PRRG1: variants seen among roughly 807,000 people sequenced by gnomAD.
The protein encoded by PRRG1 is transmembrane gamma-carboxyglutamic acid protein 1.
A neutral mutation model predicts 11.8 loss-of-function variants in PRRG1; 5 were observed. That is an observed-to-expected ratio of 0.42 (90% CI 0.22 to 0.89). The LOEUF (loss-of-function observed/expected upper bound fraction) is 0.89, where lower values mean the gene tolerates loss of function less well. Ranked by LOEUF, PRRG1 falls within the 40% of genes least tolerant of loss-of-function variation. The probability of loss-of-function intolerance (pLI) is 0.28; values close to 1 mark genes in which losing one functional copy is unlikely to be tolerated. For missense variants in PRRG1, 155 were observed against 166.1 expected (o/e 0.93, Z 0.37); for synonymous variants, 66 against 60.4 (o/e 1.09, Z -0.43).
chrX:37,423,232 CTT>C lies in PRRG1; in HGVS notation c.11-2602_11-2601del, dbSNP rs782314748. Among the ~76,000 whole-genome samples the C allele has an allele frequency of 9.1e-5, 10 of 109,298 alleles. No homozygotes were observed. In the South Asian group the frequency reaches 3.4e-3, roughly 37 times the overall value. 94.9% of individuals were successfully genotyped at this position (109,298 alleles called of 115,157 possible). Reference sequence around the variant, plus strand: ...AATTTTAATTTTTAACAAAAATTAACTTTTTTTAACAAAAAAGTTAAATTTTA... The same window carrying C: ...AATTTTAATTTTTAACAAAAATTAACTTTTTAACAAAAAAGTTAAATTTTA... On this transcript the variant is annotated intron_variant, in intron 2 of 3. Transcript: ENST00000378628.
rs1556397551 is a variant in PRRG1 at position 37,453,849 on chromosome X, T to A, written c.*228T>A. ...AAGAGGGAAAACATACTAATGGGGG[T>A]CTTTCTGTGATGTGATGAGACATAC... On this transcript the variant is annotated 3_prime_UTR_variant, in exon 4 of 4. Transcript: ENST00000378628. 2.8e-6 allele frequency: 1 copy of A among 362,373 alleles called. No homozygotes were observed. The highest frequency in any genetic ancestry group is 2.6e-5 in the African/African-American group (1 of 38,506). 29.9% of individuals were successfully genotyped at this position (362,373 alleles called of 1,213,427 possible). A position where few individuals can be genotyped will look rare whatever the true frequency, so the allele number is the denominator to read the frequency against.
At chrX:37,411,400 C>G (rs1932347819) in intron 2 of PRRG1, among the ~76,000 whole-genome samples, 1 of 111,677 alleles carries the variant, frequency 9.0e-6, no homozygotes, top group Admixed American at 9.5e-5. Context: ...CTATATTTTA[C>G]CTTTTCATTT....
intron 3 of PRRG1, among the ~76,000 whole-genome samples, chrX:37,442,496 G>A (rs370139659): frequency 6.4e-5 from 7 of 110,014 alleles, no homozygotes; most frequent in South Asian, 4.0e-4. Flanking sequence ...GGTGGATGGC[G>A]TCAGGTGGGG....
In PRRG1 at chrX:37,399,969, C is replaced by T. The variant is rs1413161255; in HGVS notation, c.-41-6240C>T. 1.1e-4 allele frequency among the ~76,000 whole-genome samples: 12 copies of T among 111,388 alleles called. No homozygotes were observed. In the Admixed American group the frequency reaches 1.1e-3, roughly 11 times the overall value. On this transcript the variant is annotated intron_variant, in intron 1 of 3. Transcript: ENST00000378628. ...TATATGCACCCAATACAGGAGCACC[C>T]AGATTCATAAAGCAAGTCCTGAGTG... is the stretch of plus-strand genomic sequence containing the variant.
rs144758974 is a variant in PRRG1, at chrX:37,395,729, A to G, written c.-41-10480A>G. Among the ~76,000 whole-genome samples the G allele has an allele frequency of 8.3e-3, 925 of 111,660 alleles. 5 individuals carry two copies. Among genetic ancestry groups the G allele is most frequent in the Middle Eastern group, 0.028 (6 of 217 alleles). On this transcript the variant is annotated intron_variant, in intron 1 of 3. Coordinates refer to ENST00000378628, the MANE Select transcript of PRRG1 (RefSeq NM_001142395.2). ...AAAATCAACAGGAAACAAACCTGAT[A>G]TGGTTCTCAGAAAAGATATACTTTC... is the stretch of plus-strand genomic sequence containing the variant.
chrX:37,357,044 A>G (rs781834422), intron 1 of PRRG1, among the ~76,000 whole-genome samples: 3 of 111,675 alleles, frequency 2.7e-5, no homozygotes, highest in Non-Finnish European at 5.7e-5. Flanking sequence ...CTACCCCAAA[A>G]ATTCTCTGTG....
rs551667337 is a variant in PRRG1 at position 37,419,729 on chromosome X, A to G, written c.11-6111A>G. 7.7e-4 allele frequency among the ~76,000 whole-genome samples: 86 copies of G among 111,592 alleles called. 1 individual carries two copies. In the South Asian group the frequency reaches 0.031, roughly 40 times the overall value. Reference sequence around the variant, plus strand: ...GGCTCATGTGTACAGAAGATCTTTGATATCCCACTGGTCATGTAGCTGAAA... The same window carrying G: ...GGCTCATGTGTACAGAAGATCTTTGGTATCCCACTGGTCATGTAGCTGAAA... On this transcript the variant is annotated intron_variant, in intron 2 of 3. Transcript: ENST00000378628.
In PRRG1 at chrX:37,406,228, G is replaced by A. The variant is rs1294326046; in HGVS notation, c.-22G>A. ...GTACAGGGAATCATCATCCAGGGAC[G>A]TGCCAGAAACCACAAGAAAACATGG... On this transcript the variant is annotated 5_prime_UTR_variant, in exon 2 of 4. The change creates a new upstream start codon in the 5' untranslated region. Coordinates refer to ENST00000378628, the MANE Select transcript of PRRG1 (RefSeq NM_001142395.2). 8.3e-7 allele frequency: 1 copy of A among 1,210,240 alleles called. No individual in the cohort carries two copies. The highest frequency in any genetic ancestry group is 3.0e-5 in the East Asian group (1 of 33,822).
chrX:37,387,833 TAACTC>T (rs1166361531), intron 1 of PRRG1, among the ~76,000 whole-genome samples: 16 of 111,540 alleles, frequency 1.4e-4, no homozygotes, highest in African/African-American at 4.6e-4. Context: ...ATTTCAGCAT[TAACTC>T]AAAAGTCCAA....
chrX:37,374,703 A>G (rs782813391), intron 1 of PRRG1, among the ~76,000 whole-genome samples: 24 of 111,121 alleles, frequency 2.2e-4, no homozygotes, highest in African/African-American at 7.8e-4. Flanking sequence ...GATTTTTTTC[A>G]TAAATTATAT....
chrX:37,442,071 C>T, intron 3 of PRRG1: 1 of 768,722 alleles, frequency 1.3e-6, no homozygotes, highest in Non-Finnish European at 1.6e-6. Flanking sequence ...AGGAAGACAC[C>T]TGAGCCAAGA....
intron 3 of PRRG1, among the ~76,000 whole-genome samples, chrX:37,435,793 G>A (rs782338297): frequency 3.6e-5 from 4 of 110,855 alleles, no homozygotes; most frequent in Non-Finnish European, 5.7e-5. Context: ...ATGATTAGAC[G>A]AAATGTCAAT....
intron 1 of PRRG1, among the ~76,000 whole-genome samples, chrX:37,377,337 C>T (rs1367236405): frequency 9.0e-6 from 1 of 111,422 alleles, no homozygotes; most frequent in East Asian, 2.8e-4. Context: ...TAGTTTCTGC[C>T]TCATATGATA....
chrX:37,397,881 A>C (rs1422476968), intron 1 of PRRG1, among the ~76,000 whole-genome samples: 1 of 109,174 alleles, frequency 9.2e-6, no homozygotes, highest in Non-Finnish European at 1.9e-5. Context: ...TTTTAAGTGT[A>C]TTGTCATTAT....
rs781953204 is a variant in PRRG1 at position 37,457,245 on chromosome X, T to C, written c.*3624T>C. The C allele has an allele frequency of 8.9e-6, 1 of 112,530 alleles. No homozygotes were observed. Among genetic ancestry groups the C allele is most frequent in the Admixed American group, 9.4e-5 (1 of 10,587 alleles). 9.3% of individuals were successfully genotyped at this position (112,530 alleles called of 1,213,427 possible). Reference sequence around the variant, plus strand: ...TTTATACTAGGTAGGGTCTTTCTTATGTTTCTGTGTTTTTGGTATGCTAAA... The same window carrying C: ...TTTATACTAGGTAGGGTCTTTCTTACGTTTCTGTGTTTTTGGTATGCTAAA... On this transcript the variant is annotated 3_prime_UTR_variant, in exon 4 of 4. Transcript: ENST00000378628.
intron 1 of PRRG1, among the ~76,000 whole-genome samples, chrX:37,380,248 G>A (rs2146540805): frequency 8.9e-6 from 1 of 111,744 alleles, no homozygotes; most frequent in South Asian, 3.7e-4. Flanking sequence ...CCGAGAGCCT[G>A]TCTTAGAACC....
Position 37,383,055 on chromosome X carries a change from A to G in PRRG1, c.-41-23154A>G, listed in dbSNP as rs782569797. ...ATTTTTAGATTTTCTTTACCTATGT[A>G]GTTAGTGTAACCTAAGAACATCACC... On this transcript the variant is annotated intron_variant, in intron 1 of 3. Transcript: ENST00000378628. Among the ~76,000 whole-genome samples the G allele has an allele frequency of 3.6e-5, 4 of 111,926 alleles. No homozygotes were observed. The East Asian group carries it at 1.1e-3, about 31-fold the overall frequency.
intron 3 of PRRG1, among the ~76,000 whole-genome samples, chrX:37,445,611 G>C (rs1264835304): frequency 8.9e-6 from 1 of 112,753 alleles, no homozygotes; most frequent in African/African-American, 3.2e-5. Context: ...CTTCAACAAC[G>C]ATTATTGAAT....
chrX:37,441,301 A>C, intron 3 of PRRG1: 1 of 759,503 alleles, frequency 1.3e-6, no homozygotes, highest in Non-Finnish European at 1.6e-6. Context: ...AAAACTAAAA[A>C]CTGGACACAG....
Sources: gnomAD v4.1 joint callset for allele counts (sites outside exome capture counted in the v4.1 genomes callset) on GRCh38, gnomAD v4.1.1 for gene constraint, MANE v1.5 for transcripts, NCBI Gene and HGNC (gene_info 2026-07-23, HGNC 2026-07-21) for gene names.